ZNF385D: variants seen among roughly 807,000 people sequenced by gnomAD.
The protein encoded by ZNF385D is zinc finger protein 659.
ZNF385D carries 15 observed loss-of-function variants against 35.8 expected under a neutral mutation model. That is an observed-to-expected ratio of 0.42 (90% CI 0.28 to 0.64). The LOEUF is 0.64. Ranked by LOEUF, ZNF385D falls within the 30% of genes least tolerant of loss-of-function variation. The pLI is 0.23. For missense variants in ZNF385D, 474 were observed against 494.6 expected, an observed-to-expected ratio of 0.96 and a Z score of 0.39; for synonymous variants, 212 against 186.8, an observed-to-expected ratio of 1.13 and a Z score of -1.10.
intron 3 of ZNF385D, among the ~76,000 whole-genome samples, chr3:21,850,089 A>C (rs1324851818): frequency 6.6e-6 from 1 of 152,122 alleles, no homozygotes; most frequent in African/African-American, 2.4e-5. Context: ...ATGGCAACTT[A>C]TAATTTATTA....
chr3:22,312,413 G>T (rs1207960829), intron 2 of ZNF385D, among the ~76,000 whole-genome samples: 2 of 151,976 alleles, frequency 1.3e-5, no homozygotes, highest in Non-Finnish European at 2.9e-5. Context: ...AACATTTTTA[G>T]TACTAAAGAG....
intron 3 of ZNF385D, among the ~76,000 whole-genome samples, chr3:21,782,403 G>T (rs1405331002): frequency 1.3e-5 from 2 of 152,032 alleles, no homozygotes; most frequent in African/African-American, 4.8e-5. Context: ...AGGAAACTGA[G>T]GCATGGAGAG....
intron 2 of ZNF385D, among the ~76,000 whole-genome samples, chr3:22,236,616 T>C (rs1484576331): frequency 6.6e-6 from 1 of 152,204 alleles, no homozygotes; most frequent in Non-Finnish European, 1.5e-5. Flanking sequence ...AGATTCTCAG[T>C]ATATTCACAA....
chr3:21,838,733 T>C (rs1311510832), intron 3 of ZNF385D, among the ~76,000 whole-genome samples: 2 of 152,062 alleles, frequency 1.3e-5, no homozygotes, highest in African/African-American at 4.8e-5. Context: ...TCTCTTCAAA[T>C]CTAAGATGCC....
intron 3 of ZNF385D, among the ~76,000 whole-genome samples, chr3:21,756,881 A>C (rs2070362335): frequency 6.6e-6 from 1 of 152,178 alleles, no homozygotes; most frequent in African/African-American, 2.4e-5. Flanking sequence ...TTATCTGTGT[A>C]GTGTTTTAAT....
chr3:21,676,070 G>A (rs1158315572), intron 1 of ZNF385D, among the ~76,000 whole-genome samples: 2 of 152,018 alleles, frequency 1.3e-5, no homozygotes, highest in South Asian at 2.1e-4. Flanking sequence ...AAACCTAACT[G>A]TTGTTGGCAT....
Position 21,500,490 on chromosome 3 carries a change from A to G in ZNF385D, c.439+10371T>C, listed in dbSNP as rs970248994. 1.3e-5 allele frequency among the ~76,000 whole-genome samples: 2 copies of G among 152,200 alleles called. 1 individual carries two copies. Among genetic ancestry groups the G allele is most frequent in the Admixed American group, 1.3e-4 (2 of 15,270 alleles). ...TTTATGCAGAAGCCTAGAAGTAGGA[A>G]TGAGCCAACTAAGAATATGAATGGA... On this transcript the variant is annotated intron_variant, in intron 4 of 7. Transcript: ENST00000281523.
intron 3 of ZNF385D, among the ~76,000 whole-genome samples, chr3:22,131,512 G>T (rs560127495): frequency 2.0e-5 from 3 of 152,116 alleles, no homozygotes; most frequent in Non-Finnish European, 2.9e-5. Flanking sequence ...TTTTCATATT[G>T]ATGAGAAATA....
intron 2 of ZNF385D, among the ~76,000 whole-genome samples, chr3:22,267,712 C>T (rs1430687119): frequency 6.6e-6 from 1 of 151,874 alleles, no homozygotes; most frequent in Non-Finnish European, 1.5e-5. Context: ...AATGCACTCC[C>T]ATGTTAGAAT....
At chr3:21,820,571 A>C (rs1322890815) in intron 3 of ZNF385D, among the ~76,000 whole-genome samples, 2 of 151,752 alleles carry the variant, frequency 1.3e-5, no homozygotes, top group Non-Finnish European at 3.0e-5. Context: ...TGAATAGAAA[A>C]ATAGAATAAA....
chr3:22,043,963 G>C (rs1698829776), intron 3 of ZNF385D, among the ~76,000 whole-genome samples: 1 of 152,018 alleles, frequency 6.6e-6, no homozygotes, highest in South Asian at 2.1e-4. Flanking sequence ...AGGCTGGAGT[G>C]GGTTGAGAAT....
chr3:21,609,894 C>T (rs2064614267), intron 2 of ZNF385D, among the ~76,000 whole-genome samples: 1 of 152,142 alleles, frequency 6.6e-6, no homozygotes, highest in South Asian at 2.1e-4. Flanking sequence ...AAAAGAGAGT[C>T]CTGATGGGTA....
chr3:21,782,431 A>C (rs2071529226), intron 3 of ZNF385D, among the ~76,000 whole-genome samples: 1 of 152,108 alleles, frequency 6.6e-6, no homozygotes, highest in African/African-American at 2.4e-5. Context: ...ATGTTCGTTT[A>C]AGGTCACCAG....
At chr3:21,557,033 T>G (rs548073493) in intron 3 of ZNF385D, among the ~76,000 whole-genome samples, 84 of 152,356 alleles carry the variant, frequency 5.5e-4, no homozygotes, top group African/African-American at 1.9e-3. Flanking sequence ...CCTGAGACTT[T>G]GCTGAAGTTT....
rs554463701 is a variant in ZNF385D, at chr3:21,893,854, T to C, written c.326-228826A>G. Among the ~76,000 whole-genome samples, 42 of 152,314 alleles carry C rather than the reference T, an allele frequency of 2.8e-4. No homozygotes were observed. The South Asian group carries it at 8.5e-3, about 31-fold the overall frequency. On this transcript the variant is annotated intron_variant, in intron 3 of 5. Coordinates refer to the ZNF385D transcript ENST00000494108. The stretch of plus-strand genomic sequence containing the variant: ...CCATCTCTGCAGACTTTTAATAATA[T>C]CACTTGAAATTGTATTTAGTTTTTA...
intron 3 of ZNF385D, among the ~76,000 whole-genome samples, chr3:22,110,090 A>T (rs6765612): frequency 6.7e-6 from 1 of 149,188 alleles, no homozygotes; most frequent in African/African-American, 2.5e-5. Context: ...ACAATGAGAT[A>T]TCATCTCACA....
At position 22,299,026 on chromosome 3, in the gene ZNF385D, A is replaced by T. The variant is rs531291290; in HGVS notation, c.106+73424T>A. On this transcript the variant is annotated intron_variant, in intron 2 of 5. Coordinates refer to the ZNF385D transcript ENST00000494108. ...CTTTTATGATTACAATATATCACAG[A>T]GTAGTTTTTAACACAATTCAAATTT... 3.3e-5 allele frequency among the ~76,000 whole-genome samples: 5 copies of T among 152,104 alleles called. No homozygotes were observed. In the South Asian group the frequency reaches 1.0e-3, roughly 31 times the overall value.
intron 7 of ZNF385D, 40 bp downstream of exon 7, chr3:21,423,923 T>C (rs1458779195): frequency 5.7e-6 from 9 of 1,572,354 alleles, no homozygotes; most frequent in Non-Finnish European, 7.8e-6. Flanking sequence ...AATAATTCCA[T>C]TTGGGAATAG....
intron 3 of ZNF385D, among the ~76,000 whole-genome samples, chr3:22,120,397 A>C (rs1420671683): frequency 6.6e-6 from 1 of 152,058 alleles, no homozygotes; most frequent in Non-Finnish European, 1.5e-5. Flanking sequence ...TGAGGACACC[A>C]GTCATGTTGG....
Sources: allele counts gnomAD v4.1 joint callset (sites outside exome capture counted in the v4.1 genomes callset), GRCh38; gene constraint gnomAD v4.1.1; transcripts MANE v1.5; gene names NCBI Gene and HGNC (gene_info 2026-07-23, HGNC 2026-07-21).